Variants in SHISA9 observed in about 807,000 individuals in gnomAD.
SHISA9 encodes shisa family member 9, also known as protein shisa-9.
In SHISA9, 13 loss-of-function variants were observed where a neutral mutation model predicts 38.0. The observed-to-expected ratio is 0.34, with a 90% confidence interval of 0.22 to 0.54. SHISA9 has a LOEUF of 0.54. SHISA9 is among the 20% of genes least tolerant of loss of function. The pLI is 0.91. For missense variants in SHISA9, 538 were observed against 575.8 expected, an observed-to-expected ratio of 0.93 and a Z score of 0.67; for synonymous variants, 275 against 242.0, an observed-to-expected ratio of 1.14 and a Z score of -1.27.
the SHISA9 span, among the ~76,000 whole-genome samples, chr16:13,431,046 A>C: frequency 6.6e-6 from 1 of 152,170 alleles, no homozygotes; most frequent in Non-Finnish European, 1.5e-5. Flanking sequence ...GCTGTTTGGG[A>C]AACCTCTTCA....
the SHISA9 span, among the ~76,000 whole-genome samples, chr16:13,275,925 ATTAAT>A: frequency 7.9e-5 from 12 of 151,882 alleles, no homozygotes; most frequent in African/African-American, 1.7e-4. Context: ...TTTAAAAAAA[ATTAAT>A]TTAATTTTTC....
At chr16:13,003,589 G>A (rs538110597) in intron 2 of SHISA9, among the ~76,000 whole-genome samples, 13 of 152,294 alleles carry the variant, frequency 8.5e-5, no homozygotes, top group African/African-American at 3.1e-4. Context: ...CTGGGCTGGT[G>A]GCTCACGCCT....
At chr16:13,361,670 C>T in the SHISA9 span, among the ~76,000 whole-genome samples, 2 of 152,218 alleles carry the variant, frequency 1.3e-5, no homozygotes, top group African/African-American at 2.4e-5. Flanking sequence ...TGTTCTTCCA[C>T]TCATGTGCTG....
At chr16:13,387,444 C>T in the SHISA9 span, among the ~76,000 whole-genome samples, 1 of 151,248 alleles carries the variant, frequency 6.6e-6, no homozygotes, top group African/African-American at 2.4e-5. Flanking sequence ...ATGCCTACAG[C>T]TACTGGAAGC....
the SHISA9 span, among the ~76,000 whole-genome samples, chr16:13,419,198 G>C: frequency 3.3e-5 from 5 of 152,244 alleles, no homozygotes; most frequent in South Asian, 1.0e-3. Flanking sequence ...AAATAATGGC[G>C]TAAGACAATG....
At position 13,019,879 on chromosome 16, in the gene SHISA9, C is replaced by CTTT. The variant is rs1567184042; in HGVS notation, c.691+103064_691+103065insTTT. ...CCCTCCCTCCCTCCCTCCCTCCCTC[C>CTTT]CTCCCTTCTTTCTTTCTTTCTTTCT... On this transcript the variant is annotated intron_variant, in intron 2 of 4. Transcript: ENST00000558583. Among the ~76,000 whole-genome samples, 15 of 17,554 alleles carry CTTT rather than the reference C, an allele frequency of 8.5e-4. 1 individual carries two copies. The highest frequency in any genetic ancestry group is 6.0e-3 in the East Asian group (3 of 496). The allele number at this position is 17,554 out of a possible 152,430, so 11.5% of individuals were successfully genotyped here.
At chr16:13,282,339 C>T in the SHISA9 span, among the ~76,000 whole-genome samples, 1 of 151,638 alleles carries the variant, frequency 6.6e-6, no homozygotes, top group African/African-American at 2.4e-5. Flanking sequence ...TGTTTCTGGC[C>T]TCCCTTGTTT....
chr16:13,121,073 T>C (rs1050714620), intron 2 of SHISA9, among the ~76,000 whole-genome samples: 22 of 152,018 alleles, frequency 1.4e-4, no homozygotes, highest in Non-Finnish European at 2.6e-4. Context: ...GTGCGAGTAT[T>C]GCCTGAGCCC....
At chr16:13,381,792 G>T in the SHISA9 span, among the ~76,000 whole-genome samples, 3 of 152,212 alleles carry the variant, frequency 2.0e-5, no homozygotes, top group African/African-American at 7.2e-5. Context: ...CCTGGAGCAG[G>T]ACTTGGGAAG....
intron 2 of SHISA9, among the ~76,000 whole-genome samples, chr16:13,170,202 CAAAAA>C (rs71147788): frequency 1.1e-5 from 1 of 91,990 alleles, no homozygotes; most frequent in African/African-American, 4.5e-5. Flanking sequence ...GACTCCATCT[CAAAAA>C]AAAAAAAAAA....
At chr16:13,106,273 A>G (rs927461852) in intron 2 of SHISA9, among the ~76,000 whole-genome samples, 3 of 152,176 alleles carry the variant, frequency 2.0e-5, no homozygotes, top group Non-Finnish European at 4.4e-5. Context: ...CAAAGATTGT[A>G]TACTTTTCAT....
At chr16:13,266,639 A>G in the SHISA9 span, among the ~76,000 whole-genome samples, 3 of 152,226 alleles carry the variant, frequency 2.0e-5, no homozygotes, top group African/African-American at 7.2e-5. Context: ...GAAGAAAAAA[A>G]CACACAACTT....
the SHISA9 span, among the ~76,000 whole-genome samples, chr16:13,500,156 G>A: frequency 6.6e-6 from 1 of 152,190 alleles, no homozygotes; most frequent in African/African-American, 2.4e-5. Context: ...TCTTGTGATA[G>A]TGAGTGAGTT....
At chr16:13,182,903 T>C (rs1596709368) in intron 2 of SHISA9, among the ~76,000 whole-genome samples, 2 of 152,312 alleles carry the variant, frequency 1.3e-5, no homozygotes, top group East Asian at 3.9e-4. Flanking sequence ...TGTCACACAG[T>C]TGCAGTCACA....
intron 2 of SHISA9, among the ~76,000 whole-genome samples, chr16:13,134,047 T>C (rs1055589841): frequency 6.6e-6 from 1 of 152,206 alleles, no homozygotes; most frequent in Non-Finnish European, 1.5e-5. Flanking sequence ...ACACTACTGC[T>C]ACCATTTATT....
chr16:13,313,971 G>GT, the SHISA9 span, among the ~76,000 whole-genome samples: 1 of 152,088 alleles, frequency 6.6e-6, no homozygotes, highest in South Asian at 2.1e-4. Context: ...TGTTAGATAG[G>GT]TATCAAAAAG....
At chr16:13,464,997 A>G in the SHISA9 span, among the ~76,000 whole-genome samples, 1 of 152,228 alleles carries the variant, frequency 6.6e-6, no homozygotes, top group African/African-American at 2.4e-5. Context: ...TGGAGACATT[A>G]TCCTAAAACA....
chr16:13,530,514 A>G, the SHISA9 span, among the ~76,000 whole-genome samples: 1 of 152,090 alleles, frequency 6.6e-6, no homozygotes, highest in South Asian at 2.1e-4. Flanking sequence ...TTGCTTTTAT[A>G]GTGGCTGCTG....
At chr16:13,427,442 C>T in the SHISA9 span, among the ~76,000 whole-genome samples, 2 of 152,090 alleles carry the variant, frequency 1.3e-5, no homozygotes, top group Admixed American at 6.5e-5. Context: ...TAAAACGCAA[C>T]AGCATTTTAA....
Sources: allele counts gnomAD v4.1 joint callset (sites outside exome capture counted in the v4.1 genomes callset), GRCh38; gene constraint gnomAD v4.1.1; transcripts MANE v1.5; gene names NCBI Gene and HGNC (gene_info 2026-07-23, HGNC 2026-07-21).